The following ZNF541 variants were observed in gnomAD, a reference collection of about 807,000 sequenced individuals.
ZNF541 encodes the protein zinc finger protein 541.
Under a neutral mutation model 123.5 loss-of-function variants are expected in ZNF541, and 23 were observed. That is an observed-to-expected ratio of 0.19 (90% CI 0.13 to 0.26). The LOEUF (loss-of-function observed/expected upper bound fraction) is 0.26, where lower values mean the gene tolerates loss of function less well. Ranked by LOEUF, ZNF541 falls within the 10% of genes least tolerant of loss-of-function variation. The probability of loss-of-function intolerance (pLI) is 1.00; values close to 1 mark genes in which losing one functional copy is unlikely to be tolerated. For missense variants in ZNF541, 1,612 were observed against 1,789.9 expected (o/e 0.90, Z 1.79); for synonymous variants, 751 against 754.5 (o/e 1.00, Z 0.08).
Position 47,555,696 on chromosome 19 carries a change from G to C in ZNF541, c.161C>G (p.Pro54Arg). ...FLYAGLSGLDPDPSLPTPDMS... is the reference protein window; with the variant it reads ...FLYAGLSGLDRDPSLPTPDMS... The stretch of plus-strand genomic sequence containing the variant: ...GTCAGGCGTTGGGAGGCTGGGGTCC[G>C]GGTCCAGACCACTCAGGCCAGCATA... The change falls in exon 3 of 17, where the codon CCG becomes CGG. Residue 54 changes from proline to arginine, a missense_variant. Pro to Arg is a moderately radical substitution (Grantham distance 103). Transcript: ENST00000391901. 6.4e-7 allele frequency: 1 copy of C among 1,551,744 alleles called. No individual in the cohort carries two copies.
intron 12 of ZNF541, among the ~76,000 whole-genome samples, chr19:47,529,921 T>C (rs1055500098): frequency 2.6e-5 from 4 of 152,236 alleles, no homozygotes; most frequent in African/African-American, 4.8e-5. Flanking sequence ...GGATTTATTC[T>C]GGCACAAGCT....
rs1969002428 is a variant in ZNF541, at chr19:47,521,104, G to A, written c.*120C>T. ...AAATGCCCTCCATGTTTGCAGGCAG[G>A]TTGGCCAACAGGGGACAGGGAGGGT... On this transcript the variant is annotated 3_prime_UTR_variant, in exon 17 of 17. Transcript: ENST00000391901. The surrounding 1 kb of genome is among the most constrained non-coding windows in gnomAD (Gnocchi z 4.2). 7.7e-7 allele frequency: 1 copy of A among 1,296,990 alleles called. No homozygotes were observed. The highest frequency in any genetic ancestry group is 1.0e-6 in the Non-Finnish European group (1 of 962,962). 80.3% of individuals were successfully genotyped at this position (1,296,990 alleles called of 1,614,324 possible). A position where few individuals can be genotyped will look rare whatever the true frequency, so the allele number is the denominator to read the frequency against.
At chr19:47,548,446 AAAAAAAAAAAAAAAAG>A (rs1970455749) in intron 4 of ZNF541, among the ~76,000 whole-genome samples, 1 of 136,458 alleles carries the variant, frequency 7.3e-6, no homozygotes, top group African/African-American at 3.6e-5. Context: ...CCATCTCAAA[AAAAAAAAAAAAAAAAG>A]AAAAAAAAAG....
At position 47,521,632 on chromosome 19, in the gene ZNF541, C is replaced by T; in HGVS notation, c.3734G>A (p.Arg1245Lys). The change falls in exon 16 of 17, where the codon AGA becomes AAA. Residue 1245 changes from arginine to lysine, a missense_variant. Physicochemically the swap from Arg to Lys is conservative, Grantham distance 26. Around this residue, in one of 5 missense-constraint regions of ZNF541, gnomAD observed 285 missense variants for 407.3 expected, o/e 0.70. Transcript: ENST00000391901. The surrounding 1 kb of genome is among the most constrained non-coding windows in gnomAD (Gnocchi z 4.2). ...CTTGGGAGTTGGATGGTGGCTGGGT[C>T]TCTCCCGAGGGCTGCATGGGACCTG... is the stretch of plus-strand genomic sequence containing the variant. ...EEKVPCSPRE[R>K]PSHHPTPKLK... 1 of 1,551,728 alleles carries T rather than the reference C, an allele frequency of 6.4e-7. No homozygotes were observed. The highest frequency in any genetic ancestry group is 8.7e-7 in the Non-Finnish European group (1 of 1,146,966).
chr19:47,531,816 C>T (rs1031807184), intron 11 of ZNF541, 71 bp from the exon 12 acceptor site: 2 of 1,346,380 alleles, frequency 1.5e-6, no homozygotes, highest in Non-Finnish European at 2.0e-6. Flanking sequence ...GAACCTTTCC[C>T]GAAAGACAGC....
Position 47,544,798 on chromosome 19 carries a change from G to T in ZNF541, c.1731C>A (p.Ser577=), listed in dbSNP as rs768080344. 7.2e-6 allele frequency: 11 copies of T among 1,527,794 alleles called. No homozygotes were observed. In the African/African-American group the frequency reaches 1.2e-4, roughly 17 times the overall value. The allele number at this position is 1,527,794 out of a possible 1,614,324, so 94.6% of individuals were successfully genotyped here. A position where few individuals can be genotyped will look rare whatever the true frequency, so the allele number is the denominator to read the frequency against. ...IFSHAQVAAV[S]SQLPAPEGKP... is the part of the protein sequence containing the mutation. Reference sequence around the variant, plus strand: ...TGCCCTCGGGCGCAGGGAGCTGGGAGGAGACTGCTGCCACCTGGGCATGGG... The same window carrying T: ...TGCCCTCGGGCGCAGGGAGCTGGGATGAGACTGCTGCCACCTGGGCATGGG... Residue 577 remains serine (S), a synonymous_variant, in exon 5 of 17, where the codon TCC becomes TCA. Coordinates refer to ENST00000391901, the MANE Select transcript of ZNF541 (RefSeq NM_001277075.3).
Position 47,539,746 on chromosome 19 carries a change from G to T in ZNF541, c.2755C>A (p.Pro919Thr). ...ATGTGTCGGGTCACTGGAACCACGG[G>T]GATCGATTGGGGGACCACCAAAGGG... The part of the protein sequence containing the change: ...AAPLVVPQSI[P>T]VVPVTRHIGS... The change falls in exon 8 of 17, where the codon CCC (proline) becomes ACC (threonine). Residue 919 changes from proline (P) to threonine (T), a missense_variant. Pro to Thr is a conservative substitution (Grantham distance 38). Transcript: ENST00000391901. 6.9e-7 allele frequency: 1 copy of T among 1,457,178 alleles called. No homozygotes were observed. Among genetic ancestry groups the T allele is most frequent in the Non-Finnish European group, 9.0e-7 (1 of 1,110,374 alleles). 90.3% of individuals were successfully genotyped at this position (1,457,178 alleles called of 1,614,324 possible).
At chr19:47,572,932 C>T (rs1011861222) in intron 1 of ZNF541, among the ~76,000 whole-genome samples, 151 bp downstream of exon 1, 9 of 151,836 alleles carry the variant, frequency 5.9e-5, no homozygotes, top group Admixed American at 2.6e-4. Flanking sequence ...GCCTGCTGCG[C>T]CCCTCGAAAG....
intron 2 of ZNF541, among the ~76,000 whole-genome samples, chr19:47,569,653 A>T (rs778152093): frequency 6.6e-6 from 1 of 152,020 alleles, no homozygotes; most frequent in Non-Finnish European, 1.5e-5. Flanking sequence ...GCTTGAGTCC[A>T]GGAGTTCAAG....
chr19:47,525,730 G>A (rs1053025518), intron 14 of ZNF541, among the ~76,000 whole-genome samples: 27 of 151,950 alleles, frequency 1.8e-4, no homozygotes, highest in Admixed American at 3.9e-4. Context: ...TGGTTAACAC[G>A]GTGAAACCCC....
intron 3 of ZNF541, among the ~76,000 whole-genome samples, 181 bp downstream of exon 3, chr19:47,555,369 C>CAA (rs367574327): frequency 2.4e-4 from 15 of 63,238 alleles, no homozygotes; most frequent in African/African-American, 2.9e-4. Context: ...GACTCCATCT[C>CAA]AAAAAAAAAA....
intron 14 of ZNF541, among the ~76,000 whole-genome samples, chr19:47,523,470 G>T (rs1969142906): frequency 6.6e-6 from 1 of 151,610 alleles, no homozygotes; most frequent in Non-Finnish European, 1.5e-5. Flanking sequence ...AGCTTTGTGA[G>T]TATTCACAAA....
At chr19:47,524,874 G>T (rs897616452) in intron 14 of ZNF541, among the ~76,000 whole-genome samples, 1 of 152,062 alleles carries the variant, frequency 6.6e-6, no homozygotes, top group African/African-American at 2.4e-5. Context: ...TGAGATCCTA[G>T]ATCTTAAAAG....
intron 14 of ZNF541, among the ~76,000 whole-genome samples, chr19:47,524,737 G>C (rs1969205853): frequency 6.7e-6 from 1 of 149,684 alleles, no homozygotes; most frequent in Non-Finnish European, 1.5e-5. Context: ...AGTTATACCA[G>C]AGCTAGGTGT....
Position 47,573,101 on chromosome 19 carries a change from G to A in ZNF541, c.-264C>T, listed in dbSNP as rs1317835521. Among the ~76,000 whole-genome samples, 2 of 150,150 alleles carry A rather than the reference G, an allele frequency of 1.3e-5. No individual in the cohort carries two copies. The highest frequency in any genetic ancestry group is 4.9e-5 in the African/African-American group (2 of 41,202). On this transcript the variant is annotated 5_prime_UTR_variant, in exon 1 of 17. Transcript: ENST00000391901. ...GTTTTACCCGCCCCCGGGGGCTCGC[G>A]CGCCGGGCCTCGCGCCTGGCGCCTC...
intron 4 of ZNF541, among the ~76,000 whole-genome samples, chr19:47,548,804 G>A (rs573451306): frequency 2.4e-4 from 37 of 152,282 alleles, no homozygotes; most frequent in Non-Finnish European, 4.1e-4. Context: ...GGCTGGGCAC[G>A]GTGGCTCACA....
At chr19:47,572,803 C>T (rs1200957173) in intron 1 of ZNF541, among the ~76,000 whole-genome samples, 2 of 151,472 alleles carry the variant, frequency 1.3e-5, no homozygotes, top group African/African-American at 4.9e-5. Flanking sequence ...GTGCAGCGGG[C>T]CAGGGGATCC....
At chr19:47,523,896 G>A (rs1158246197) in intron 14 of ZNF541, among the ~76,000 whole-genome samples, 4 of 152,146 alleles carry the variant, frequency 2.6e-5, no homozygotes, top group Non-Finnish European at 5.9e-5. Flanking sequence ...TTTCCCCCAA[G>A]AACTCACCCA....
At chr19:47,527,733 C>G (rs1287763421) in intron 14 of ZNF541, among the ~76,000 whole-genome samples, 1 of 151,716 alleles carries the variant, frequency 6.6e-6, no homozygotes, top group Non-Finnish European at 1.5e-5. Context: ...GAGTTTCACT[C>G]TTGTTGTCCA....
Sources: gnomAD v4.1 joint callset for allele counts (sites outside exome capture counted in the v4.1 genomes callset) on GRCh38, gnomAD v4.1.1 for gene constraint, gnomAD v4.1.1 regional missense constraint, Gnocchi (gnomAD v3.1) non-coding constraint, MANE v1.5 for transcripts, NCBI Gene and HGNC (gene_info 2026-07-23, HGNC 2026-07-21) for gene names.